LRRC59: variants seen among roughly 807,000 people sequenced by gnomAD.
LRRC59 encodes the protein leucine rich repeat containing 59.
LRRC59 carries 18 observed loss-of-function variants against 33.5 expected under a neutral mutation model. The observed-to-expected ratio is 0.54, with a 90% CI of 0.37 to 0.80. The LOEUF (loss-of-function observed/expected upper bound fraction) is 0.80, where lower values mean the gene tolerates loss of function less well. LRRC59 is among the 30% of genes least tolerant of loss of function. LRRC59 has a pLI of 0.00. For missense variants in LRRC59, 330 were observed against 391.9 expected (o/e 0.84, Z 1.33); for synonymous variants, 138 against 160.0 (o/e 0.86, Z 1.04).
At chr17:50,389,873 A>AC (rs1914099423) in intron 4 of LRRC59, among the ~76,000 whole-genome samples, 1 of 152,270 alleles carries the variant, frequency 6.6e-6, no homozygotes, top group Non-Finnish European at 1.5e-5. Context: ...AGGTGGGCAG[A>AC]TCACTGGAGC....
intron 3 of LRRC59, 72 bp from the exon 4 acceptor site, chr17:50,392,574 C>T: frequency 6.8e-7 from 1 of 1,478,408 alleles, no homozygotes; most frequent in South Asian, 1.1e-5. Context: ...CAGGGTGAAA[C>T]AAAATGAGCA....
At chr17:50,396,394 C>T (rs554964144) in intron 1 of LRRC59, 7 of 152,268 alleles carry the variant, frequency 4.6e-5, no homozygotes, top group Non-Finnish European at 1.0e-4. Flanking sequence ...GAGCTAGGAA[C>T]CCGGTTCTAA....
intron 4 of LRRC59, among the ~76,000 whole-genome samples, chr17:50,389,895 A>G (rs1914100014): frequency 6.6e-6 from 1 of 152,126 alleles, no homozygotes; most frequent in African/African-American, 2.4e-5. Flanking sequence ...CAGGAGTTCA[A>G]GACCAGCCTG....
At chr17:50,385,954 G>A (rs117292096) in intron 5 of LRRC59, among the ~76,000 whole-genome samples, 3,137 of 152,278 alleles carry the variant, frequency 0.021, 50 homozygotes, top group Middle Eastern at 0.048. Flanking sequence ...CTACCTGGGA[G>A]GCTGAAGTGG....
rs1387774582 is a variant in LRRC59 at position 50,392,809 on chromosome 17, A to C, written c.254T>G (p.Val85Gly). 3 of 1,614,138 alleles carry C rather than the reference A, an allele frequency of 1.9e-6. No homozygotes were observed. The highest frequency in any genetic ancestry group is 1.7e-6 in the Non-Finnish European group (2 of 1,179,992). ...GAGGAGATCCAGGTGCTGGAGGTTG[A>C]CCAGACGGCCAAAGTCTGCTGGCAG... ...QQLPADFGRL[V>G]NLQHLDLLNN... Residue 85 changes from valine to glycine, a missense_variant, in exon 3 of 7, where the codon GTC (valine) becomes GGC (glycine). Transcript: ENST00000225972.
chr17:50,391,417 A>G (rs1464574365), intron 4 of LRRC59, among the ~76,000 whole-genome samples: 1 of 152,210 alleles, frequency 6.6e-6, no homozygotes, highest in Non-Finnish European at 1.5e-5. Flanking sequence ...CATGAATTCT[A>G]GTATTTAAAG....
chr17:50,393,404 A>T (rs1027478995), intron 2 of LRRC59, among the ~76,000 whole-genome samples: 1 of 130,542 alleles, frequency 7.7e-6, no homozygotes, highest in Admixed American at 7.4e-5. Context: ...CCCTATGCTC[A>T]CCATTCATAG....
chr17:50,395,854 A>T (rs1914261095), intron 1 of LRRC59: 1 of 152,022 alleles, frequency 6.6e-6, no homozygotes, highest in Non-Finnish European at 1.5e-5. Context: ...CAGAGGTTTC[A>T]GTGAGCCGAG....
In LRRC59 at chr17:50,382,774, G is replaced by A. The variant is rs116114267; in HGVS notation, c.*214C>T. 7.5e-4 allele frequency: 146 copies of A among 195,178 alleles called. No individual in the cohort carries two copies. The highest frequency in any genetic ancestry group is 5.4e-3 in the African/African-American group (132 of 24,246). 12.1% of individuals were successfully genotyped at this position (195,178 alleles called of 1,614,324 possible). A position where few individuals can be genotyped will look rare whatever the true frequency, so the allele number is the denominator to read the frequency against. On this transcript the variant is annotated 3_prime_UTR_variant, in exon 7 of 7. Transcript: ENST00000225972. The stretch of plus-strand genomic sequence containing the variant: ...AGGCATGCAGGTAACTGCCCCCCAC[G>A]CCCCCCCGCCACCTCCCATTTCTCC...
rs1913900232 is a variant in LRRC59, at chr17:50,382,824, A to G, written c.*164T>C. The G allele has an allele frequency of 1.1e-6, 1 of 901,690 alleles. No individual in the cohort carries two copies. The highest frequency in any genetic ancestry group is 3.3e-5 in the Admixed American group (1 of 30,722). 55.9% of individuals were successfully genotyped at this position (901,690 alleles called of 1,614,324 possible). On this transcript the variant is annotated 3_prime_UTR_variant, in exon 7 of 7. Transcript: ENST00000225972. ...CTCATTCCTTCAGGGAACCCTGACT[A>G]AGGAATGAAGAAGTCCTACAAAGAG...
rs139954005 is a variant in LRRC59 at position 50,397,492 on chromosome 17, C to A, written c.-175G>T. ...CGCACTCCGAGCCTCGCGCCTAGCT[C>A]CCACCGGTGCCGCGACGACGACCAC... On this transcript the variant is annotated 5_prime_UTR_variant, in exon 1 of 7. Coordinates refer to ENST00000225972, the MANE Select transcript of LRRC59 (RefSeq NM_018509.4). 2.4e-4 allele frequency: 123 copies of A among 509,038 alleles called. No individual in the cohort carries two copies. The highest frequency in any genetic ancestry group is 2.1e-3 in the Middle Eastern group (4 of 1,934). The allele number at this position is 509,038 out of a possible 1,614,324, so 31.5% of individuals were successfully genotyped here. A position where few individuals can be genotyped will look rare whatever the true frequency, so the allele number is the denominator to read the frequency against.
chr17:50,391,232 C>T (rs1279909630), intron 4 of LRRC59, among the ~76,000 whole-genome samples: 1 of 152,206 alleles, frequency 6.6e-6, no homozygotes, highest in Non-Finnish European at 1.5e-5. Flanking sequence ...ATCACTTATA[C>T]TGTTCTCATC....
intron 4 of LRRC59, 81 bp downstream of exon 4, chr17:50,392,317 G>A: frequency 1.8e-6 from 2 of 1,082,044 alleles, no homozygotes; most frequent in East Asian, 2.4e-5. Flanking sequence ...AAAGCTCCAG[G>A]TGCCCTAGGA....
rs554071145 is a variant in LRRC59, at chr17:50,397,445, G to C, written c.-128C>G. 4.3e-4 allele frequency: 256 copies of C among 600,056 alleles called. 2 individuals carry two copies. The African/African-American group carries it at 4.6e-3, about 11-fold the overall frequency. 37.2% of individuals were successfully genotyped at this position (600,056 alleles called of 1,614,324 possible). On this transcript the variant is annotated 5_prime_UTR_variant, in exon 1 of 7. Transcript: ENST00000225972. Reference sequence around the variant, plus strand: ...CTGAGCCCTCCGTCGCCGCCGATGCGAGACCGCCTCCGCCCGCTGGCCGCA... The same window carrying C: ...CTGAGCCCTCCGTCGCCGCCGATGCCAGACCGCCTCCGCCCGCTGGCCGCA...
intron 6 of LRRC59, among the ~76,000 whole-genome samples, chr17:50,383,562 G>A (rs927789023): frequency 2.6e-5 from 4 of 152,074 alleles, no homozygotes; most frequent in Non-Finnish European, 5.9e-5. Context: ...AGCATCCAGC[G>A]CTGACAGAGT....
Position 50,382,790 on chromosome 17 carries a change from C to T in LRRC59, c.*198G>A, listed in dbSNP as rs947892218. On this transcript the variant is annotated 3_prime_UTR_variant, in exon 7 of 7. Coordinates refer to ENST00000225972, the MANE Select transcript of LRRC59 (RefSeq NM_018509.4). ...GCCCCCCACGCCCCCCCGCCACCTC[C>T]CATTTCTCCTCATTCCTTCAGGGAA... is the stretch of plus-strand genomic sequence containing the variant. 7.4e-6 allele frequency: 5 copies of T among 677,774 alleles called. No homozygotes were observed. The highest frequency in any genetic ancestry group is 1.8e-5 in the African/African-American group (1 of 54,906). 42.0% of individuals were successfully genotyped at this position (677,774 alleles called of 1,614,324 possible).
intron 4 of LRRC59, among the ~76,000 whole-genome samples, chr17:50,390,113 A>AG (rs1567821585): frequency 1.3e-5 from 2 of 151,094 alleles, no homozygotes; most frequent in Admixed American, 6.6e-5. Flanking sequence ...AAAAAAAAAA[A>AG]AAAGAAAAAG....
intron 4 of LRRC59, among the ~76,000 whole-genome samples, chr17:50,388,679 C>A (rs542180451): frequency 6.6e-6 from 1 of 152,308 alleles, no homozygotes; most frequent in South Asian, 2.1e-4. Flanking sequence ...AAAAGTGAAA[C>A]ACAATGCCAA....
chr17:50,382,793 T>G lies in LRRC59; in HGVS notation c.*195A>C. Reference sequence around the variant, plus strand: ...CCCCACGCCCCCCCGCCACCTCCCATTTCTCCTCATTCCTTCAGGGAACCC... The same window carrying G: ...CCCCACGCCCCCCCGCCACCTCCCAGTTCTCCTCATTCCTTCAGGGAACCC... On this transcript the variant is annotated 3_prime_UTR_variant, in exon 7 of 7. Transcript: ENST00000225972. The G allele has an allele frequency of 2.6e-5, 9 of 344,488 alleles. No homozygotes were observed. Among genetic ancestry groups the G allele is most frequent in the East Asian group, 1.5e-4 (2 of 13,532 alleles). The allele number at this position is 344,488 out of a possible 1,614,324, so 21.3% of individuals were successfully genotyped here. A position where few individuals can be genotyped will look rare whatever the true frequency, so the allele number is the denominator to read the frequency against.
Sources: allele counts gnomAD v4.1 joint callset (sites outside exome capture counted in the v4.1 genomes callset), GRCh38; gene constraint gnomAD v4.1.1; transcripts MANE v1.5; gene names NCBI Gene and HGNC (gene_info 2026-07-23, HGNC 2026-07-21).